Variants in DLG1 observed in about 807,000 individuals in gnomAD.
DLG1 encodes the protein discs large MAGUK scaffold protein 1.
In DLG1, 42 loss-of-function variants were observed where a neutral mutation model predicts 123.4. The observed-to-expected ratio is 0.34, with a 90% CI of 0.27 to 0.44. The LOEUF (loss-of-function observed/expected upper bound fraction) is 0.44. Among genes scored for constraint, DLG1 ranks in the 20% least tolerant of loss-of-function variants. DLG1 has a pLI of 1.00. For synonymous variants in DLG1, 317 were observed against 356.2 expected (o/e 0.89, Z 1.24); for missense variants, 942 against 1,082.6 (o/e 0.87, Z 1.82).
At chr3:197,274,562 A>T (rs909759069) in intron 4 of DLG1, among the ~76,000 whole-genome samples, 1 of 138,880 alleles carries the variant, frequency 7.2e-6, no homozygotes, top group African/African-American at 2.7e-5. Flanking sequence ...GATGTTGGTC[A>T]GGGCAAGTAT....
At chr3:197,217,175 C>T (rs1307588469) in intron 4 of DLG1, among the ~76,000 whole-genome samples, 2 of 152,088 alleles carry the variant, frequency 1.3e-5, no homozygotes, top group African/African-American at 2.4e-5. Flanking sequence ...AGTATGCTCT[C>T]GTTTTTTATA....
At chr3:197,182,418 AAAGT>A (rs1561300562) in intron 5 of DLG1, among the ~76,000 whole-genome samples, 1 of 152,182 alleles carries the variant, frequency 6.6e-6, no homozygotes, top group African/African-American at 2.4e-5. Flanking sequence ...ATATTTGAGA[AAAGT>A]AAGTAGAATT....
intron 4 of DLG1, among the ~76,000 whole-genome samples, chr3:197,267,887 A>G (rs1762366217): frequency 6.6e-6 from 1 of 152,162 alleles, no homozygotes; most frequent in Non-Finnish European, 1.5e-5. Context: ...ACATATTTAC[A>G]GGATAAAATA....
intron 5 of DLG1, among the ~76,000 whole-genome samples, chr3:197,161,457 A>C (rs894307624): frequency 4.6e-5 from 7 of 152,216 alleles, no homozygotes; most frequent in African/African-American, 1.7e-4. Context: ...AACCTAATAA[A>C]ATGGCAAATC....
At chr3:197,080,844 T>C (rs1445625235) in intron 17 of DLG1, 2 of 416,358 alleles carry the variant, frequency 4.8e-6, no homozygotes, top group East Asian at 4.0e-5. Flanking sequence ...CAAAAGTATG[T>C]TGCTAATAAT....
intron 1 of DLG1, chr3:197,297,876 C>T (rs1404507796): frequency 3.0e-6 from 3 of 985,278 alleles, no homozygotes; most frequent in Admixed American, 6.2e-5. Context: ...CAGCCCGGCC[C>T]CGCTCCACGT....
At chr3:197,254,912 C>T (rs1283917493) in intron 4 of DLG1, among the ~76,000 whole-genome samples, 8 of 151,744 alleles carry the variant, frequency 5.3e-5, no homozygotes, top group East Asian at 3.9e-4. Flanking sequence ...AAAAATTAGC[C>T]GGGCGTGGTG....
At chr3:197,166,650 G>C (rs1801565093) in intron 5 of DLG1, among the ~76,000 whole-genome samples, 1 of 152,150 alleles carries the variant, frequency 6.6e-6, no homozygotes, top group African/African-American at 2.4e-5. Flanking sequence ...AACACTTTGG[G>C]AGGCGGAGGT....
chr3:197,160,201 G>T (rs1798235527), intron 5 of DLG1, among the ~76,000 whole-genome samples: 1 of 152,124 alleles, frequency 6.6e-6, no homozygotes, highest in Non-Finnish European at 1.5e-5. Context: ...GGGATGCTAA[G>T]TTAGGGTTGC....
At chr3:197,060,291 C>T (rs150744399) in intron 22 of DLG1, among the ~76,000 whole-genome samples, 5 of 152,266 alleles carry the variant, frequency 3.3e-5, no homozygotes, top group Admixed American at 6.5e-5. Context: ...AGAGCTCCCC[C>T]GCCGTTCCCT....
chr3:197,085,681 G>A lies in DLG1; in HGVS notation c.1737C>T (p.Ile579=). The A allele has an allele frequency of 6.2e-7, 1 of 1,613,680 alleles. No homozygotes were observed. Among genetic ancestry groups the A allele is most frequent in the Non-Finnish European group, 8.5e-7 (1 of 1,179,906 alleles). The change falls in exon 16 of 25, where the codon ATC becomes ATT. Residue 579 remains isoleucine, a synonymous_variant. Coordinates refer to ENST00000667157, the MANE Select transcript of DLG1 (RefSeq NM_001366207.1). The part of the protein sequence containing the change: ...SQGLNFKFGD[I]LHVINASDDE... The stretch of plus-strand genomic sequence containing the variant: ...CATCAGAAGCATTAATAACATGGAG[G>A]ATATCTCCAAATTTGAAGTTCAGTC...
At chr3:197,138,687 T>G (rs947630593) in intron 8 of DLG1, among the ~76,000 whole-genome samples, 1 of 152,168 alleles carries the variant, frequency 6.6e-6, no homozygotes, top group Non-Finnish European at 1.5e-5. Flanking sequence ...GCTTATTCTG[T>G]GTAGGCATTA....
At chr3:197,131,580 CTTTCTTTTTTTTTTTTTT>C (rs1319685804) in intron 10 of DLG1, among the ~76,000 whole-genome samples, 1 of 120,704 alleles carries the variant, frequency 8.3e-6, no homozygotes, top group Non-Finnish European at 1.7e-5. Flanking sequence ...TTATTTCTTC[CTTTCTTTTTTTTTTTTTT>C]TTTTTTTTTT....
chr3:197,065,457 GA>G lies in DLG1; in HGVS notation c.2201-10del. On this transcript the variant is annotated splice_polypyrimidine_tract_variant and intron_variant, in intron 21 of 24. Coordinates refer to ENST00000667157, the MANE Select transcript of DLG1 (RefSeq NM_001366207.1). ...TTTTGGTCTAGTTGTATCTTTAACAGAAAAAAACTTGGGAAAGTGTTTAATA... is the reference window on the plus strand; with the variant it reads ...TTTTGGTCTAGTTGTATCTTTAACAGAAAAAACTTGGGAAAGTGTTTAATA... 1.9e-6 allele frequency: 3 copies of G among 1,562,398 alleles called. No individual in the cohort carries two copies. Among genetic ancestry groups the G allele is most frequent in the Non-Finnish European group, 2.6e-6 (3 of 1,161,214 alleles).
At chr3:197,125,408 CGAA>C (rs898299802) in intron 11 of DLG1, among the ~76,000 whole-genome samples, 1 of 151,874 alleles carries the variant, frequency 6.6e-6, no homozygotes, top group African/African-American at 2.4e-5. Context: ...GATTCTGCTG[CGAA>C]GAAGAAGGGG....
intron 10 of DLG1, among the ~76,000 whole-genome samples, chr3:197,134,177 G>C (rs1421276504): frequency 6.6e-6 from 1 of 152,112 alleles, no homozygotes; most frequent in African/African-American, 2.4e-5. Flanking sequence ...GATCTTAGCT[G>C]TGAAAGGATA....
rs556904318 is a variant in DLG1, at chr3:197,292,507, G to A, written c.151+3839C>T. On this transcript the variant is annotated intron_variant, in intron 3 of 24. Transcript: ENST00000667157. ...GTATAGGATTTCAGTTTTGCAAGAC[G>A]AAAGTGTTCTGAAGATTTGTTTCAC... is the stretch of plus-strand genomic sequence containing the variant. Among the ~76,000 whole-genome samples the A allele has an allele frequency of 1.0e-3, 153 of 152,306 alleles. No homozygotes were observed. The South Asian group carries it at 0.031, about 31-fold the overall frequency.
intron 7 of DLG1, among the ~76,000 whole-genome samples, chr3:197,141,802 A>C (rs3773856): frequency 0.76 from 114,942 of 152,024 alleles, 43,568 homozygotes; most frequent in East Asian, 0.82. Context: ...GCAACCTCTG[A>C]CTCCTGGGTT....
intron 23 of DLG1, among the ~76,000 whole-genome samples, chr3:197,056,521 C>T (rs1731788515): frequency 6.6e-6 from 1 of 152,072 alleles, no homozygotes; most frequent in Admixed American, 6.5e-5. Context: ...AGCTTCTTAG[C>T]TTTTGGTAGA....
Sources: gnomAD v4.1 joint callset for allele counts (sites outside exome capture counted in the v4.1 genomes callset) on GRCh38, gnomAD v4.1.1 for gene constraint, MANE v1.5 for transcripts, NCBI Gene and HGNC (gene_info 2026-07-23, HGNC 2026-07-21) for gene names.